RFLNA: variants seen among roughly 807,000 people sequenced by gnomAD.
RFLNA encodes refilin A, also known as refilin-A.
A neutral mutation model predicts 7.8 loss-of-function variants in RFLNA; 5 were observed. The ratio of observed to expected loss-of-function variants is 0.64; its 90% CI spans 0.34 to 1.35. RFLNA has a LOEUF of 1.35. RFLNA is among the 40% of genes most tolerant of loss of function. The pLI is 0.04. For missense variants in RFLNA, 278 were observed against 305.5 expected, an observed-to-expected ratio of 0.91 and a Z score of 0.67; for synonymous variants, 141 against 131.3, an observed-to-expected ratio of 1.07 and a Z score of -0.50.
chr12:124,310,312 G>C (rs1243064952), intron 1 of RFLNA, among the ~76,000 whole-genome samples: 1 of 151,852 alleles, frequency 6.6e-6, no homozygotes. Flanking sequence ...GGGTTTTCTT[G>C]GGTTGGTGGA....
chr12:124,296,147 T>TTTCTTTC (rs2033919196), intron 1 of RFLNA, among the ~76,000 whole-genome samples: 1 of 3,684 alleles, frequency 2.7e-4, no homozygotes, highest in African/African-American at 3.3e-4. Flanking sequence ...TCTTCTTCTC[T>TTTCTTTC]TCTCTTCTCT....
At chr12:124,297,849 C>T (rs1023043400) in intron 1 of RFLNA, among the ~76,000 whole-genome samples, 2 of 148,194 alleles carry the variant, frequency 1.3e-5, no homozygotes, top group Admixed American at 6.7e-5. Flanking sequence ...CCCCACAGGG[C>T]GCCCCACCTC....
At chr12:124,297,778 C>T (rs1299212498) in intron 1 of RFLNA, among the ~76,000 whole-genome samples, 2 of 152,190 alleles carry the variant, frequency 1.3e-5, no homozygotes, top group Non-Finnish European at 2.9e-5. Context: ...GATTGCCTGG[C>T]GCCCACTCTT....
chr12:124,300,537 AG>A (rs1488919802), intron 1 of RFLNA, among the ~76,000 whole-genome samples: 2 of 152,192 alleles, frequency 1.3e-5, no homozygotes, highest in African/African-American at 2.4e-5. Context: ...GAAGGGAGCT[AG>A]GGAGGTAGTG....
chr12:124,304,032 G>A lies in RFLNA; in HGVS notation c.208-7786G>A, dbSNP rs144375108. On this transcript the variant is annotated intron_variant, in intron 1 of 2. Coordinates refer to ENST00000546355, the MANE Select transcript of RFLNA (RefSeq NM_001365156.1). ...CAGTCTTCGGCAGTATCTCGCTCCCGCGTGGCTGGAAAGTCGGACTTCAGG... is the reference window on the plus strand; with the variant it reads ...CAGTCTTCGGCAGTATCTCGCTCCCACGTGGCTGGAAAGTCGGACTTCAGG... 3.4e-3 allele frequency among the ~76,000 whole-genome samples: 524 copies of A among 152,336 alleles called. 5 individuals carry two copies. Among genetic ancestry groups the A allele is most frequent in the African/African-American group, 0.012 (501 of 41,572 alleles).
At chr12:124,312,903 T>G (rs1480464114) in intron 2 of RFLNA, among the ~76,000 whole-genome samples, 1 of 152,144 alleles carries the variant, frequency 6.6e-6, no homozygotes, top group African/African-American at 2.4e-5. Context: ...GGGCTCAGGC[T>G]TCCCAAGGAT....
In RFLNA at chr12:124,306,233, T is replaced by A. The variant is rs752124810; in HGVS notation, c.208-5585T>A. On this transcript the variant is annotated intron_variant, in intron 1 of 2. Coordinates refer to ENST00000546355, the MANE Select transcript of RFLNA (RefSeq NM_001365156.1). This position sits in a 1 kb window ranked among gnomAD's most constrained non-coding sequence, Gnocchi z 5.2. ...CCTTAGGGAGCTGCTTCTCTGGGGG[T>A]GACAGACACGCAAAGGGGTTATCGC... Among the ~76,000 whole-genome samples, 3 of 151,532 alleles carry A rather than the reference T, an allele frequency of 2.0e-5. No homozygotes were observed. The highest frequency in any genetic ancestry group is 4.4e-5 in the Non-Finnish European group (3 of 67,916).
At position 124,314,750 on chromosome 12, in the gene RFLNA, A is replaced by AT. The variant is rs1030011978; in HGVS notation, c.*232dup. ...TGTCAAGGACTCAGTAAAAGCATCTATTTTTTTAGCACTTAAGCTGGCAAG... is the reference window on the plus strand; with the variant it reads ...TGTCAAGGACTCAGTAAAAGCATCTATTTTTTTTAGCACTTAAGCTGGCAAG... On this transcript the variant is annotated 3_prime_UTR_variant, in exon 3 of 3. Coordinates refer to ENST00000546355, the MANE Select transcript of RFLNA (RefSeq NM_001365156.1). 26 of 804,912 alleles carry AT rather than the reference A, an allele frequency of 3.2e-5. No homozygotes were observed. The highest frequency in any genetic ancestry group is 2.2e-4 in the Middle Eastern group (1 of 4,592). The allele number at this position is 804,912 out of a possible 1,614,324, so 49.9% of individuals were successfully genotyped here. A position where few individuals can be genotyped will look rare whatever the true frequency, so the allele number is the denominator to read the frequency against.
In RFLNA at chr12:124,314,626, C is replaced by A. The variant is rs575950271; in HGVS notation, c.*101C>A. On this transcript the variant is annotated 3_prime_UTR_variant, in exon 3 of 3. Transcript: ENST00000546355. ...CTCGGCCTGGCACTCGGGCAGGAGGCGGGAAGGGAGGCTGCCAGACCAAGG... is the reference window on the plus strand; with the variant it reads ...CTCGGCCTGGCACTCGGGCAGGAGGAGGGAAGGGAGGCTGCCAGACCAAGG... 1 of 1,524,112 alleles carries A rather than the reference C, an allele frequency of 6.6e-7. No individual in the cohort carries two copies. Among genetic ancestry groups the A allele is most frequent in the Non-Finnish European group, 8.8e-7 (1 of 1,136,776 alleles). The allele number at this position is 1,524,112 out of a possible 1,614,324, so 94.4% of individuals were successfully genotyped here. A position where few individuals can be genotyped will look rare whatever the true frequency, so the allele number is the denominator to read the frequency against.
At chr12:124,291,501 C>T (rs559730812), upstream of RFLNA, among the ~76,000 whole-genome samples, 21 of 152,288 alleles carry the variant, frequency 1.4e-4, 1 homozygote, top group African/African-American at 3.6e-4. Flanking sequence ...AGTTGATCCA[C>T]GCACCTTGGC....
chr12:124,314,491 C>T lies in RFLNA; in HGVS notation c.617C>T (p.Pro206Leu), dbSNP rs1400823717. ...ASVQLQLCQD[P>L]APSLLGPATL ...GTGCAGCTGCAGCTTTGCCAGGACCCTGCCCCCAGCCTCCTGGGCCCTGCC... is the reference window on the plus strand; with the variant it reads ...GTGCAGCTGCAGCTTTGCCAGGACCTTGCCCCCAGCCTCCTGGGCCCTGCC... The change falls in exon 3 of 3, where the codon CCT becomes CTT. Residue 206 changes from proline to leucine, a missense_variant. Physicochemically the swap from Pro to Leu is moderately conservative, Grantham distance 98. Coordinates refer to ENST00000546355, the MANE Select transcript of RFLNA (RefSeq NM_001365156.1). 4 of 1,594,574 alleles carry T rather than the reference C, an allele frequency of 2.5e-6. No homozygotes were observed. The highest frequency in any genetic ancestry group is 3.4e-6 in the Non-Finnish European group (4 of 1,177,632).
At chr12:124,295,912 A>T (rs2033900228) in intron 1 of RFLNA, among the ~76,000 whole-genome samples, 1 of 151,404 alleles carries the variant, frequency 6.6e-6, no homozygotes, top group Admixed American at 6.6e-5. Context: ...TGGGGGGCTC[A>T]TGGGGCGGGG....
intron 1 of RFLNA, among the ~76,000 whole-genome samples, chr12:124,303,936 C>T (rs1450782395): frequency 4.6e-5 from 7 of 152,174 alleles, no homozygotes; most frequent in Non-Finnish European, 7.4e-5. Context: ...GACAGGTCCC[C>T]GTGTGCATGT....
At chr12:124,302,241 G>A (rs77960584) in intron 1 of RFLNA, among the ~76,000 whole-genome samples, 4,765 of 152,276 alleles carry the variant, frequency 0.031, 111 homozygotes, top group African/African-American at 0.062. Flanking sequence ...TATCTTTGTG[G>A]GGGACACAAG....
chr12:124,305,656 A>G (rs933330760), intron 1 of RFLNA, among the ~76,000 whole-genome samples: 1 of 152,186 alleles, frequency 6.6e-6, no homozygotes, highest in Non-Finnish European at 1.5e-5. Flanking sequence ...CCGGCAGTGC[A>G]GCATCTTCTG....
At chr12:124,313,016 G>T (rs1458138905) in intron 2 of RFLNA, among the ~76,000 whole-genome samples, 2 of 152,308 alleles carry the variant, frequency 1.3e-5, no homozygotes, top group South Asian at 4.1e-4. Flanking sequence ...CCCACTGCCT[G>T]CTGCCCCTGC....
At position 124,306,510 on chromosome 12, in the gene RFLNA, T is replaced by C. The variant is rs920685578; in HGVS notation, c.208-5308T>C. On this transcript the variant is annotated intron_variant, in intron 1 of 2. Transcript: ENST00000546355. The surrounding 1 kb of genome is among the most constrained non-coding windows in gnomAD (Gnocchi z 5.2). ...AGGGGGCAGCGATGAGACAGGCCCCTGGGCATGAAAGGCAGTGGAGGAGCG... is the reference window on the plus strand; with the variant it reads ...AGGGGGCAGCGATGAGACAGGCCCCCGGGCATGAAAGGCAGTGGAGGAGCG... 6.6e-6 allele frequency among the ~76,000 whole-genome samples: 1 copy of C among 151,958 alleles called. No homozygotes were observed. The highest frequency in any genetic ancestry group is 1.5e-5 in the Non-Finnish European group (1 of 67,984).
chr12:124,314,551 T>TGGAGGAGCCGGGAGCCCTGG lies in RFLNA; in HGVS notation c.*31_*50dup. The TGGAGGAGCCGGGAGCCCTGG allele has an allele frequency of 6.5e-7, 1 of 1,546,672 alleles. No homozygotes were observed. Among genetic ancestry groups the TGGAGGAGCCGGGAGCCCTGG allele is most frequent in the East Asian group, 2.4e-5 (1 of 41,380 alleles). On this transcript the variant is annotated 3_prime_UTR_variant, in exon 3 of 3. Transcript: ENST00000546355. Reference sequence around the variant, plus strand: ...CGGGGCTGGGGCCGGCCCGGGGTGCTGGAGGAGCCGGGAGCCCTGGGGAGA... The same window carrying TGGAGGAGCCGGGAGCCCTGG: ...CGGGGCTGGGGCCGGCCCGGGGTGCTGGAGGAGCCGGGAGCCCTGGGGAGGAGCCGGGAGCCCTGGGGAGA...
intron 1 of RFLNA, among the ~76,000 whole-genome samples, chr12:124,304,307 G>A (rs895965151): frequency 1.3e-5 from 2 of 152,260 alleles, no homozygotes; most frequent in Non-Finnish European, 2.9e-5. Context: ...AGGCCCACGG[G>A]ACGCCAGCCT....
Sources: gnomAD v4.1 joint callset for allele counts (sites outside exome capture counted in the v4.1 genomes callset) on GRCh38, gnomAD v4.1.1 for gene constraint, Gnocchi (gnomAD v3.1) non-coding constraint, MANE v1.5 for transcripts, NCBI Gene and HGNC (gene_info 2026-07-23, HGNC 2026-07-21) for gene names.